Variants in VRK2 observed in about 807,000 individuals in gnomAD.
VRK2 encodes VRK serine/threonine kinase 2.
A neutral mutation model predicts 57.6 loss-of-function variants in VRK2; 60 were observed. That is an observed-to-expected ratio of 1.04 (90% CI 0.85 to 1.29). VRK2 has a LOEUF of 1.29. Among genes scored for constraint, VRK2 ranks in the 50% most tolerant of loss-of-function variants. VRK2 has a pLI of 0.00. For synonymous variants in VRK2, 231 were observed against 199.2 expected (o/e 1.16, Z -1.35); for missense variants, 705 against 588.1 (o/e 1.20, Z -2.06).
intron 1 of VRK2, among the ~76,000 whole-genome samples, chr2:57,954,454 T>C (rs2103983939): frequency 6.6e-6 from 1 of 152,224 alleles, no homozygotes; most frequent in Middle Eastern, 3.4e-3. Flanking sequence ...CAATTCAACA[T>C]GTTGTTTCTT....
At chr2:58,055,821 T>C (rs1471903810) in intron 2 of VRK2, among the ~76,000 whole-genome samples, 2 of 152,140 alleles carry the variant, frequency 1.3e-5, no homozygotes, top group East Asian at 1.9e-4. Context: ...AACAGAAAGA[T>C]TTTTAACAAA....
chr2:58,144,146 G>A (rs1380733382), intron 11 of VRK2, among the ~76,000 whole-genome samples: 2 of 151,374 alleles, frequency 1.3e-5, no homozygotes, highest in Admixed American at 6.6e-5. Context: ...AGCCAGACAC[G>A]GGACAAATAC....
intron 1 of VRK2, among the ~76,000 whole-genome samples, chr2:57,909,478 T>G (rs72808429): frequency 0.47 from 42,280 of 90,256 alleles, 6,474 homozygotes; most frequent in African/African-American, 0.59. Context: ...GTGTGTGTGT[T>G]TTTTTTTTAG....
At chr2:57,941,307 T>C (rs1671086258) in intron 1 of VRK2, among the ~76,000 whole-genome samples, 1 of 152,168 alleles carries the variant, frequency 6.6e-6, no homozygotes, top group African/African-American at 2.4e-5. Context: ...AAGTTCTACA[T>C]GAATATTGAC....
At chr2:58,119,174 C>G (rs1677017437) in intron 7 of VRK2, among the ~76,000 whole-genome samples, 1 of 152,014 alleles carries the variant, frequency 6.6e-6, no homozygotes, top group Admixed American at 6.6e-5. Context: ...GGTTCTGAGG[C>G]TTATTTCTGA....
chr2:58,048,268 G>T (rs1221671064), intron 1 of VRK2, among the ~76,000 whole-genome samples: 1 of 152,098 alleles, frequency 6.6e-6, no homozygotes, highest in Non-Finnish European at 1.5e-5. Flanking sequence ...GAGAACTGAT[G>T]GCCTAGTATT....
chr2:57,960,973 T>G (rs1296443314), intron 1 of VRK2, among the ~76,000 whole-genome samples: 1 of 152,216 alleles, frequency 6.6e-6, no homozygotes, highest in Non-Finnish European at 1.5e-5. Context: ...TCAACAAATA[T>G]GTACTGAACA....
chr2:57,984,589 C>T (rs1672535626), intron 1 of VRK2, among the ~76,000 whole-genome samples: 1 of 151,988 alleles, frequency 6.6e-6, no homozygotes, highest in Non-Finnish European at 1.5e-5. Context: ...AGGGAAGATC[C>T]TTGTTTAACA....
At chr2:58,001,588 A>G (rs1012848862) in intron 1 of VRK2, among the ~76,000 whole-genome samples, 2 of 151,950 alleles carry the variant, frequency 1.3e-5, no homozygotes, top group Non-Finnish European at 2.9e-5. Context: ...TTGGGAGGAC[A>G]AGGCGGGCTG....
chr2:58,033,826 T>C (rs546537742), intron 3 of VRK2, among the ~76,000 whole-genome samples: 50 of 152,174 alleles, frequency 3.3e-4, no homozygotes, highest in Non-Finnish European at 5.9e-4. Flanking sequence ...TTCCCCAGTT[T>C]GGTCATCCAC....
chr2:58,094,828 T>G (rs1156700329), intron 7 of VRK2, among the ~76,000 whole-genome samples: 1 of 152,204 alleles, frequency 6.6e-6, no homozygotes, highest in Non-Finnish European at 1.5e-5. Flanking sequence ...ATCACACTGA[T>G]TTGTCTATTT....
At chr2:58,107,860 CT>C (rs1464254114) in intron 7 of VRK2, among the ~76,000 whole-genome samples, 1 of 152,140 alleles carries the variant, frequency 6.6e-6, no homozygotes, top group African/African-American at 2.4e-5. Flanking sequence ...CATTCTCCTA[CT>C]TCTTATATCA....
chr2:58,150,097 G>T, intron 12 of VRK2, among the ~76,000 whole-genome samples: 1 of 147,964 alleles, frequency 6.8e-6, no homozygotes, highest in East Asian at 2.0e-4. Flanking sequence ...TTCTTTTGTC[G>T]TAATATCCTT....
chr2:57,936,514 TTTTGTTTTG>T (rs1165523874), intron 1 of VRK2, among the ~76,000 whole-genome samples: 5 of 148,460 alleles, frequency 3.4e-5, no homozygotes, highest in Non-Finnish European at 7.4e-5. Flanking sequence ...TTTTGTTTTG[TTTTGTTTTG>T]TTTTTTTGTT....
intron 1 of VRK2, among the ~76,000 whole-genome samples, chr2:57,933,012 T>C (rs1457208671): frequency 6.6e-6 from 1 of 152,144 alleles, no homozygotes; most frequent in Admixed American, 6.5e-5. Flanking sequence ...TTTCTAGTTT[T>C]GTATTTTTAT....
At chr2:57,976,823 G>C (rs1302166511) in intron 1 of VRK2, among the ~76,000 whole-genome samples, 1 of 152,142 alleles carries the variant, frequency 6.6e-6, no homozygotes, top group Admixed American at 6.6e-5. Flanking sequence ...GTATGTGCTA[G>C]ATTGTCTTCC....
At chr2:58,137,242 CATATATATG>C (rs1237246711) in intron 10 of VRK2, among the ~76,000 whole-genome samples, 35 of 119,010 alleles carry the variant, frequency 2.9e-4, no homozygotes, top group Middle Eastern at 4.4e-3. Context: ...ACATATATAT[CATATATATG>C]ATATATATGA....
intron 1 of VRK2, among the ~76,000 whole-genome samples, chr2:57,959,402 T>C (rs1671686124): frequency 6.6e-6 from 1 of 152,236 alleles, no homozygotes; most frequent in South Asian, 2.1e-4. Flanking sequence ...TTCCTTTTCT[T>C]TTTTAGGATT....
At position 57,921,426 on chromosome 2, in the gene VRK2, T is replaced by G. The variant is rs576368030; in HGVS notation, c.-439+13587T>G. Among the ~76,000 whole-genome samples, 12 of 151,676 alleles carry G rather than the reference T, an allele frequency of 7.9e-5. No homozygotes were observed. The South Asian group carries it at 1.9e-3, about 24-fold the overall frequency. ...TTCAGAGAATAGGACAAATGGGGAG[T>G]GATAGCCTTGTGTGGATCCTCCTGG... On this transcript the variant is annotated intron_variant, in intron 1 of 15. Transcript: ENST00000417641.
Sources: gnomAD v4.1 joint callset for allele counts (sites outside exome capture counted in the v4.1 genomes callset) on GRCh38, gnomAD v4.1.1 for gene constraint, MANE v1.5 for transcripts, NCBI Gene and HGNC (gene_info 2026-07-23, HGNC 2026-07-21) for gene names.